Variants in ZC2HC1A observed in about 807,000 individuals in gnomAD.
ZC2HC1A encodes the protein zinc finger C2HC domain-containing protein 1A.
Under a neutral mutation model 40.7 loss-of-function variants are expected in ZC2HC1A, and 28 were observed. The ratio of observed to expected loss-of-function variants is 0.69; its 90% CI spans 0.51 to 0.94. The LOEUF (loss-of-function observed/expected upper bound fraction) is 0.94. Ranked by LOEUF, ZC2HC1A falls within the 40% of genes least tolerant of loss-of-function variation. ZC2HC1A has a pLI of 0.00. For missense variants in ZC2HC1A, 389 were observed against 386.3 expected (o/e 1.01, Z -0.06); for synonymous variants, 129 against 129.2 (o/e 1.00, Z 0.01).
At chr8:78,706,299 T>G (rs556332369) in intron 7 of ZC2HC1A, among the ~76,000 whole-genome samples, 1 of 152,292 alleles carries the variant, frequency 6.6e-6, no homozygotes, top group East Asian at 1.9e-4. Flanking sequence ...CCTTTTTTCC[T>G]AAGGGTATGT....
At chr8:78,693,928 T>C (rs1467436205) in intron 5 of ZC2HC1A, among the ~76,000 whole-genome samples, 7 of 152,196 alleles carry the variant, frequency 4.6e-5, no homozygotes, top group Non-Finnish European at 7.3e-5. Context: ...AAGGAAGGGA[T>C]CCAGTTTCAG....
intron 6 of ZC2HC1A, 119 bp downstream of exon 6, chr8:78,697,625 GAAGTT>G (rs1810466543): frequency 3.0e-6 from 2 of 669,206 alleles, no homozygotes; most frequent in African/African-American, 3.9e-5. Flanking sequence ...AAGAGATGTA[GAAGTT>G]AAGTAATTAT....
Position 78,717,603 on chromosome 8 carries a change from C to A in ZC2HC1A, c.*110C>A. On this transcript the variant is annotated 3_prime_UTR_variant, in exon 9 of 9. Coordinates refer to ENST00000263849, the MANE Select transcript of ZC2HC1A (RefSeq NM_016010.3). ...TTTGTGCTAAAAATACTCGAAATAC[C>A]ATTTCCAGTTAATTTTGAAGTGTAA... The A allele has an allele frequency of 8.3e-7, 1 of 1,204,806 alleles. No homozygotes were observed. Among genetic ancestry groups the A allele is most frequent in the Non-Finnish European group, 1.1e-6 (1 of 877,220 alleles). 74.6% of individuals were successfully genotyped at this position (1,204,806 alleles called of 1,614,324 possible). A position where few individuals can be genotyped will look rare whatever the true frequency, so the allele number is the denominator to read the frequency against.
chr8:78,704,457 G>C (rs1242099314), intron 7 of ZC2HC1A, among the ~76,000 whole-genome samples: 1 of 151,168 alleles, frequency 6.6e-6, no homozygotes, highest in Non-Finnish European at 1.5e-5. Flanking sequence ...GGTTTCCACT[G>C]AGAGGTCTGC....
At chr8:78,713,578 T>C (rs1811012399) in intron 7 of ZC2HC1A, among the ~76,000 whole-genome samples, 1 of 152,158 alleles carries the variant, frequency 6.6e-6, no homozygotes, top group African/African-American at 2.4e-5. Context: ...AAAGAGGCTA[T>C]ACACAAGAGT....
At chr8:78,695,634 T>G (rs557535451) in intron 5 of ZC2HC1A, among the ~76,000 whole-genome samples, 1 of 152,306 alleles carries the variant, frequency 6.6e-6, no homozygotes, top group African/African-American at 2.4e-5. Flanking sequence ...TTAAGTCTTT[T>G]CTAATGTCTG....
chr8:78,695,657 T>C (rs1421728279), intron 5 of ZC2HC1A, among the ~76,000 whole-genome samples: 1 of 152,006 alleles, frequency 6.6e-6, no homozygotes, highest in Non-Finnish European at 1.5e-5. Flanking sequence ...TTTCTCTCTC[T>C]ATATATATAT....
Position 78,702,360 on chromosome 8 carries a change from T to A in ZC2HC1A, c.704+3847T>A, listed in dbSNP as rs910427708. On this transcript the variant is annotated intron_variant, in intron 7 of 8. Transcript: ENST00000263849. The stretch of plus-strand genomic sequence containing the variant: ...TGTGTTTATTTGAATATTCTCTATT[T>A]TCTTCTTTTTAGTGTAGCTAGCAGC... 2.6e-5 allele frequency among the ~76,000 whole-genome samples: 4 copies of A among 152,310 alleles called. No individual in the cohort carries two copies. In the East Asian group the frequency reaches 7.7e-4, roughly 29 times the overall value.
intron 7 of ZC2HC1A, among the ~76,000 whole-genome samples, chr8:78,699,150 C>T (rs1306204831): frequency 4.6e-5 from 7 of 152,062 alleles, no homozygotes; most frequent in Non-Finnish European, 7.4e-5. Flanking sequence ...ATGTTAGCTA[C>T]TGAACTCCAT....
intron 7 of ZC2HC1A, among the ~76,000 whole-genome samples, chr8:78,702,823 A>T (rs1337281130): frequency 1.3e-5 from 2 of 152,040 alleles, no homozygotes; most frequent in Non-Finnish European, 2.9e-5. Flanking sequence ...GGTTTGAGAG[A>T]ATATTTGTTA....
chr8:78,695,095 C>T (rs62518981), intron 5 of ZC2HC1A, among the ~76,000 whole-genome samples: 2 of 151,828 alleles, frequency 1.3e-5, no homozygotes, highest in Non-Finnish European at 2.9e-5. Context: ...AGCAAGATAC[C>T]GAGGGGGAGG....
At chr8:78,690,125 A>T (rs1372100088) in intron 5 of ZC2HC1A, among the ~76,000 whole-genome samples, 3 of 152,206 alleles carry the variant, frequency 2.0e-5, no homozygotes, top group African/African-American at 7.2e-5. Flanking sequence ...GTATGGGTTT[A>T]TTTCAGGACA....
chr8:78,678,497 T>C, intron 2 of ZC2HC1A, 66 bp from the exon 3 acceptor site: 1 of 1,253,662 alleles, frequency 8.0e-7, no homozygotes, highest in East Asian at 2.4e-5. Flanking sequence ...TCAATGTAAA[T>C]AAAGTTCTGT....
chr8:78,704,242 G>A (rs1478883015), intron 7 of ZC2HC1A, among the ~76,000 whole-genome samples: 1 of 151,900 alleles, frequency 6.6e-6, no homozygotes, highest in East Asian at 1.9e-4. Context: ...ACAAAAATTA[G>A]CCGGGTGTGG....
intron 4 of ZC2HC1A, among the ~76,000 whole-genome samples, chr8:78,687,299 T>TC (rs1372057431): frequency 6.6e-6 from 1 of 151,710 alleles, no homozygotes; most frequent in East Asian, 1.9e-4. Context: ...GGATTTATTT[T>TC]CTAACAAAGA....
At chr8:78,679,337 A>G (rs534170618) in intron 3 of ZC2HC1A, 2 of 152,284 alleles carry the variant, frequency 1.3e-5, no homozygotes, top group East Asian at 1.9e-4. Flanking sequence ...TCTGATATCA[A>G]TATCTGTGGA....
intron 8 of ZC2HC1A, among the ~76,000 whole-genome samples, chr8:78,716,448 G>A (rs1811107220): frequency 6.6e-6 from 1 of 151,994 alleles, no homozygotes; most frequent in South Asian, 2.1e-4. Flanking sequence ...ATAGATAATA[G>A]AGACCTCCCT....
At chr8:78,686,420 A>G in intron 3 of ZC2HC1A, 47 bp from the exon 4 acceptor site, 1 of 1,274,538 alleles carries the variant, frequency 7.8e-7, no homozygotes, top group Non-Finnish European at 1.0e-6. Context: ...TATACTAAAA[A>G]GATACTGTTT....
At chr8:78,702,845 C>G (rs1406894501) in intron 7 of ZC2HC1A, among the ~76,000 whole-genome samples, 1 of 152,010 alleles carries the variant, frequency 6.6e-6, no homozygotes, top group Non-Finnish European at 1.5e-5. Context: ...GATTTCAGTT[C>G]TTTTGCTTTT....
Sources: allele counts gnomAD v4.1 joint callset (sites outside exome capture counted in the v4.1 genomes callset), GRCh38; gene constraint gnomAD v4.1.1; transcripts MANE v1.5; gene names NCBI Gene and HGNC (gene_info 2026-07-23, HGNC 2026-07-21).